The following MAP4 variants were observed in gnomAD, a reference collection of about 807,000 sequenced individuals.
The protein encoded by MAP4 is microtubule associated protein 4, also known as microtubule-associated protein 4.
Under a neutral mutation model 170.2 loss-of-function variants are expected in MAP4, and 76 were observed. The ratio of observed to expected loss-of-function variants is 0.45; its 90% confidence interval spans 0.37 to 0.54. The LOEUF (loss-of-function observed/expected upper bound fraction) is 0.54, where lower values mean the gene tolerates loss of function less well. Ranked by LOEUF, MAP4 falls within the 20% of genes least tolerant of loss-of-function variation. The pLI is 0.00. For missense variants in MAP4, 2,506 were observed against 2,748.0 expected, an observed-to-expected ratio of 0.91 and a Z score of 1.97; for synonymous variants, 909 against 994.5, an observed-to-expected ratio of 0.91 and a Z score of 1.62.
chr3:47,870,936 T>A lies in MAP4; in HGVS notation c.6171A>T (p.Lys2057Asn). The change falls in exon 15 of 21, where the codon AAA becomes AAT. Residue 2057 changes from lysine (K) to asparagine (N), a missense_variant. Physicochemically the swap from Lys to Asn is moderately conservative, Grantham distance 94. This residue lies in a region of MAP4 where 487 missense variants were observed against 511.6 expected (regional missense o/e 0.95). Transcript: ENST00000683076. ...PFIDKKPTSAKPSSTTPRLSR... is the reference protein window; with the variant it reads ...PFIDKKPTSANPSSTTPRLSR... ...TGAGCCGGGGGGTGGTGGAGCTGGG[T>A]TTGGCCGAGGTGGGCTTCTTGTCTA... 6.2e-7 allele frequency: 1 copy of A among 1,613,980 alleles called. No individual in the cohort carries two copies. The highest frequency in any genetic ancestry group is 8.5e-7 in the Non-Finnish European group (1 of 1,179,942).
At chr3:47,970,741 T>C (rs1209724241) in intron 3 of MAP4, among the ~76,000 whole-genome samples, 1 of 152,086 alleles carries the variant, frequency 6.6e-6, no homozygotes, top group East Asian at 1.9e-4. Flanking sequence ...CGCTCGAACC[T>C]GGGAGACGGA....
Position 47,988,456 on chromosome 3 carries a change from T to C in MAP4, c.223+10182A>G, listed in dbSNP as rs140347756. ...GATGAACATAGGTGAGGAGGAAATA[T>C]GTGGTGGGACCATGTGGAAGTTCTG... On this transcript the variant is annotated intron_variant, in intron 2 of 20. Coordinates refer to ENST00000683076, the MANE Select transcript of MAP4 (RefSeq NM_001385682.1). Among the ~76,000 whole-genome samples, 112 of 152,166 alleles carry C rather than the reference T, an allele frequency of 7.4e-4. 1 individual carries two copies. Among genetic ancestry groups the C allele is most frequent in the African/African-American group, 2.6e-3 (108 of 41,524 alleles).
At chr3:47,984,003 A>AC (rs2100087037) in intron 2 of MAP4, among the ~76,000 whole-genome samples, 1 of 151,664 alleles carries the variant, frequency 6.6e-6, no homozygotes, top group Middle Eastern at 3.4e-3. Flanking sequence ...ATTAAAGGTA[A>AC]TTTTTTTTTC....
intron 3 of MAP4, among the ~76,000 whole-genome samples, chr3:47,945,293 A>G (rs1001750581): frequency 6.6e-6 from 1 of 152,104 alleles, no homozygotes; most frequent in Non-Finnish European, 1.5e-5. Flanking sequence ...CAGAGGTTGC[A>G]GTGAGCTGAG....
chr3:48,083,533 T>C (rs1004033482), intron 1 of MAP4, among the ~76,000 whole-genome samples: 3 of 150,962 alleles, frequency 2.0e-5, no homozygotes, highest in African/African-American at 7.3e-5. Context: ...GCCCAGCTAA[T>C]TTTTGTATTT....
At chr3:48,064,029 A>C in intron 1 of MAP4, among the ~76,000 whole-genome samples, 1 of 152,166 alleles carries the variant, frequency 6.6e-6, no homozygotes, top group Non-Finnish European at 1.5e-5. Flanking sequence ...TCATTCCTAG[A>C]CTTAGCCCAA....
At chr3:47,983,143 G>A (rs1423285244) in intron 2 of MAP4, among the ~76,000 whole-genome samples, 7 of 152,138 alleles carry the variant, frequency 4.6e-5, no homozygotes, top group Non-Finnish European at 8.8e-5. Flanking sequence ...GACCTCAAGT[G>A]ATCTGCCTGC....
intron 12 of MAP4, 57 bp from the exon 13 acceptor site, chr3:47,872,157 A>AG: frequency 7.1e-7 from 1 of 1,413,496 alleles, no homozygotes; most frequent in Non-Finnish European, 9.7e-7. Context: ...CCAAGGAGTC[A>AG]CGCTACAAGA....
intron 1 of MAP4, among the ~76,000 whole-genome samples, chr3:48,080,086 A>G (rs1161022769): frequency 6.6e-6 from 1 of 152,242 alleles, no homozygotes; most frequent in Non-Finnish European, 1.5e-5. Context: ...GTGGGACAAA[A>G]TAACTGTCAT....
At chr3:47,885,492 T>C (rs1262712847) in intron 10 of MAP4, among the ~76,000 whole-genome samples, 1 of 152,216 alleles carries the variant, frequency 6.6e-6, no homozygotes, top group Non-Finnish European at 1.5e-5. Flanking sequence ...TATTCTTTTA[T>C]GGAATTATCT....
intron 2 of MAP4, among the ~76,000 whole-genome samples, chr3:47,980,698 C>A (rs2100084968): frequency 6.6e-6 from 1 of 152,206 alleles, no homozygotes; most frequent in South Asian, 2.1e-4. Flanking sequence ...TCACAAACTG[C>A]ATTTTACTTA....
At chr3:47,946,654 CAAAAAAAAAAAAAA>C (rs11427271) in intron 3 of MAP4, among the ~76,000 whole-genome samples, 1 of 40,814 alleles carries the variant, frequency 2.5e-5, no homozygotes, top group Non-Finnish European at 4.5e-5. Flanking sequence ...AACTCCGTCT[CAAAAAAAAAAAAAA>C]AAAAAAAAAA....
At chr3:48,054,982 T>C (rs1579612446) in intron 1 of MAP4, among the ~76,000 whole-genome samples, 1 of 152,032 alleles carries the variant, frequency 6.6e-6, no homozygotes, top group Non-Finnish European at 1.5e-5. Flanking sequence ...AAAGGCCAAG[T>C]GGGGAGCCTA....
chr3:47,964,285 C>G (rs2100073478), intron 3 of MAP4, among the ~76,000 whole-genome samples: 1 of 152,156 alleles, frequency 6.6e-6, no homozygotes, highest in Non-Finnish European at 1.5e-5. Context: ...GAAGTTATTA[C>G]AGTAGCCAAG....
rs748049248 is a variant in MAP4, at chr3:47,916,887, C to T, written c.940G>A (p.Val314Met). The T allele has an allele frequency of 6.2e-7, 1 of 1,614,160 alleles. No individual in the cohort carries two copies. The highest frequency in any genetic ancestry group is 8.5e-7 in the Non-Finnish European group (1 of 1,180,026). The change falls in exon 7 of 21, where the codon GTG (valine) becomes ATG (methionine). Residue 314 changes from valine (V) to methionine (M), a missense_variant. By Grantham distance (21) the Val-to-Met change is conservative. This residue lies in a region of MAP4 where 2,008 missense variants were observed against 2,206.0 expected (regional missense o/e 0.91). Coordinates refer to ENST00000683076, the MANE Select transcript of MAP4 (RefSeq NM_001385682.1). ...CATCTGACATCCTTAACCAGGGCCA[C>T]TTCTTTTTCTGTGGGTAGTTCCATG... ...KDMELPTEKE[V>M]ALVKDVRWPT...
At chr3:48,032,391 A>T (rs2100116646) in intron 1 of MAP4, among the ~76,000 whole-genome samples, 1 of 152,018 alleles carries the variant, frequency 6.6e-6, no homozygotes, top group South Asian at 2.1e-4. Context: ...AATCCCAGCT[A>T]CTAGGGAGAC....
intron 2 of MAP4, 123 bp from the exon 3 acceptor site, chr3:47,978,056 CTG>C (rs1319197522): frequency 3.1e-6 from 2 of 648,118 alleles, no homozygotes; most frequent in Non-Finnish European, 5.6e-6. Flanking sequence ...CAATTAAAAA[CTG>C]TTCAAAATTT....
At chr3:48,081,907 T>C (rs1035180734) in intron 1 of MAP4, among the ~76,000 whole-genome samples, 44 of 151,986 alleles carry the variant, frequency 2.9e-4, no homozygotes, top group Admixed American at 8.5e-4. Flanking sequence ...GCAGGTAAAG[T>C]ACAAGATGAG....
At chr3:47,860,168 C>A (rs2063283044) in intron 17 of MAP4, among the ~76,000 whole-genome samples, 1 of 152,224 alleles carries the variant, frequency 6.6e-6, no homozygotes, top group Admixed American at 6.5e-5. Context: ...AACAGTCACT[C>A]TCCAAGCCCA....
Sources: gnomAD v4.1 joint callset for allele counts (sites outside exome capture counted in the v4.1 genomes callset) on GRCh38, gnomAD v4.1.1 for gene constraint, gnomAD v4.1.1 regional missense constraint, MANE v1.5 for transcripts, NCBI Gene and HGNC (gene_info 2026-07-23, HGNC 2026-07-21) for gene names.